CTNNA3: variants seen among roughly 807,000 people sequenced by gnomAD.
The protein encoded by CTNNA3 is catenin alpha 3.
CTNNA3 carries 76 observed loss-of-function variants against 95.7 expected under a neutral mutation model. That is an observed-to-expected ratio of 0.79 (90% CI 0.66 to 0.96). The LOEUF (loss-of-function observed/expected upper bound fraction) is 0.96, where lower values mean the gene tolerates loss of function less well. Among genes scored for constraint, CTNNA3 ranks in the 40% least tolerant of loss-of-function variants. The probability of loss-of-function intolerance (pLI) is 0.00; values close to 1 mark genes in which losing one functional copy is unlikely to be tolerated. For missense variants in CTNNA3, 1,191 were observed against 1,089.8 expected, an observed-to-expected ratio of 1.09 and a Z score of -1.31; for synonymous variants, 431 against 374.4, an observed-to-expected ratio of 1.15 and a Z score of -1.74.
intron 7 of CTNNA3, among the ~76,000 whole-genome samples, chr10:66,874,786 A>G (rs2132450062): frequency 6.6e-6 from 1 of 152,318 alleles, no homozygotes; most frequent in Non-Finnish European, 1.5e-5. Flanking sequence ...CTTAAAAACA[A>G]ACAAAAATTA....
chr10:66,650,882 T>C (rs1799390717), intron 9 of CTNNA3, among the ~76,000 whole-genome samples: 1 of 152,096 alleles, frequency 6.6e-6, no homozygotes, highest in Non-Finnish European at 1.5e-5. Flanking sequence ...ACCCAAAGCT[T>C]CCACAAAGAA....
intron 13 of CTNNA3, among the ~76,000 whole-genome samples, chr10:66,215,191 C>T (rs965911064): frequency 1.6e-4 from 25 of 152,136 alleles, no homozygotes; most frequent in African/African-American, 5.3e-4. Flanking sequence ...ACTGTGGACA[C>T]TGGATGCCAC....
At chr10:66,621,604 AG>A (rs1844751279) in intron 10 of CTNNA3, 87 bp downstream of exon 10, 44 of 751,674 alleles carry the variant, frequency 5.9e-5, no homozygotes, top group South Asian at 8.6e-5. Context: ...AAAAAAAAAA[AG>A]AAAAAAAAAT....
At chr10:66,678,346 C>A (rs1477966409) in intron 9 of CTNNA3, among the ~76,000 whole-genome samples, 1 of 152,106 alleles carries the variant, frequency 6.6e-6, no homozygotes, top group African/African-American at 2.4e-5. Context: ...TTTTCAAGAT[C>A]CTTACTGCAT....
intron 7 of CTNNA3, among the ~76,000 whole-genome samples, chr10:66,951,907 C>T (rs944646043): frequency 1.3e-5 from 2 of 152,148 alleles, no homozygotes; most frequent in Non-Finnish European, 2.9e-5. Context: ...CCTAAAATAA[C>T]AGTGAACCTT....
chr10:66,891,422 C>T (rs572963336), intron 7 of CTNNA3, among the ~76,000 whole-genome samples: 1 of 152,252 alleles, frequency 6.6e-6, no homozygotes, highest in African/African-American at 2.4e-5. Context: ...CAAACTTTTA[C>T]ACAAATTTCT....
intron 1 of CTNNA3, among the ~76,000 whole-genome samples, chr10:67,703,625 T>C (rs1240960912): frequency 1.3e-5 from 2 of 152,188 alleles, no homozygotes; most frequent in Non-Finnish European, 2.9e-5. Context: ...GGGATGTATC[T>C]CAAAATAATA....
intron 5 of CTNNA3, among the ~76,000 whole-genome samples, chr10:67,458,793 G>T (rs1260932590): frequency 6.6e-6 from 1 of 152,118 alleles, no homozygotes; most frequent in Non-Finnish European, 1.5e-5. Flanking sequence ...CAGCATGGAG[G>T]AAACTGCCCC....
At chr10:67,207,675 G>A (rs1269093760) in intron 6 of CTNNA3, among the ~76,000 whole-genome samples, 1 of 152,160 alleles carries the variant, frequency 6.6e-6, no homozygotes. Context: ...CCTCCCTCCA[G>A]TATAGCGACT....
intron 10 of CTNNA3, among the ~76,000 whole-genome samples, chr10:66,547,222 A>T (rs1842061084): frequency 6.6e-6 from 1 of 152,078 alleles, no homozygotes; most frequent in African/African-American, 2.4e-5. Flanking sequence ...AAAACACGTC[A>T]CACGACCACT....
At chr10:67,743,292 G>T (rs1281161634) in intron 1 of CTNNA3, among the ~76,000 whole-genome samples, 3 of 151,102 alleles carry the variant, frequency 2.0e-5, no homozygotes, top group Non-Finnish European at 4.4e-5. Context: ...ACATCAAAAA[G>T]CTTATCCACC....
At chr10:66,809,887 C>T (rs1841807382) in intron 7 of CTNNA3, among the ~76,000 whole-genome samples, 2 of 151,782 alleles carry the variant, frequency 1.3e-5, no homozygotes, top group South Asian at 2.1e-4. Context: ...TCACTGCAAC[C>T]TCCGCCTCCT....
rs184241322 is a variant in CTNNA3 at position 66,667,500 on chromosome 10, T to C, written c.1282-45716A>G. Among the ~76,000 whole-genome samples, 287 of 152,286 alleles carry C rather than the reference T, an allele frequency of 1.9e-3. 1 individual carries two copies. The highest frequency in any genetic ancestry group is 3.3e-3 in the Non-Finnish European group (226 of 68,004). On this transcript the variant is annotated intron_variant, in intron 9 of 17. Transcript: ENST00000433211. ...TAACATTTCTTCATCGAGGTATTAA[T>C]GTTACTAACTGTACATTTCCTTACA...
At chr10:66,832,343 A>C (rs192858018) in intron 7 of CTNNA3, among the ~76,000 whole-genome samples, 2 of 152,270 alleles carry the variant, frequency 1.3e-5, no homozygotes, top group Admixed American at 1.3e-4. Context: ...ACACAGCTCA[A>C]TTTATCTGTC....
At chr10:67,184,036 A>C (rs1419744240) in intron 6 of CTNNA3, among the ~76,000 whole-genome samples, 2 of 152,218 alleles carry the variant, frequency 1.3e-5, no homozygotes, top group African/African-American at 4.8e-5. Context: ...CAAATCTTGC[A>C]AAATTGCCCT....
intron 11 of CTNNA3, among the ~76,000 whole-genome samples, chr10:66,435,696 T>G (rs1191242129): frequency 6.6e-6 from 1 of 152,208 alleles, no homozygotes; most frequent in Admixed American, 6.5e-5. Context: ...TGCTCTGATC[T>G]TAGTTATTTC....
At chr10:67,462,783 T>TA (rs1393926899) in intron 5 of CTNNA3, among the ~76,000 whole-genome samples, 4 of 152,248 alleles carry the variant, frequency 2.6e-5, no homozygotes, top group Non-Finnish European at 4.4e-5. Flanking sequence ...CTAGCTTTGC[T>TA]AATTGCCAGC....
intron 1 of CTNNA3, among the ~76,000 whole-genome samples, chr10:67,726,063 A>C (rs1442759172): frequency 8.0e-6 from 1 of 125,550 alleles, no homozygotes; most frequent in Middle Eastern, 3.7e-3. Context: ...TAATATAAAA[A>C]ATAAATATAT....
chr10:67,479,260 A>G (rs1848131545), intron 5 of CTNNA3, among the ~76,000 whole-genome samples: 1 of 152,182 alleles, frequency 6.6e-6, no homozygotes, highest in South Asian at 2.1e-4. Context: ...ATATACATCT[A>G]CAGAATATTC....
Sources: allele counts gnomAD v4.1 joint callset (sites outside exome capture counted in the v4.1 genomes callset), GRCh38; gene constraint gnomAD v4.1.1; transcripts MANE v1.5; gene names NCBI Gene and HGNC (gene_info 2026-07-23, HGNC 2026-07-21).